The following FMN1 variants were observed in gnomAD, a reference collection of about 807,000 sequenced individuals.
FMN1 encodes formin 1, also known as formin-1.
In FMN1, 110 loss-of-function variants were observed where a neutral mutation model predicts 132.4. The ratio of observed to expected loss-of-function variants is 0.83; its 90% CI spans 0.71 to 0.97. The LOEUF (loss-of-function observed/expected upper bound fraction) is 0.97, where lower values mean the gene tolerates loss of function less well. FMN1 is among the 50% of genes least tolerant of loss of function. FMN1 has a pLI of 0.00. For missense variants in FMN1, 1,792 were observed against 1,705.3 expected (o/e 1.05, Z -0.90); for synonymous variants, 722 against 651.7 (o/e 1.11, Z -1.64).
chr15:32,824,584 G>A lies in FMN1; in HGVS notation c.3929-20252C>T, dbSNP rs200648716. On this transcript the variant is annotated intron_variant, in intron 17 of 20. Coordinates refer to ENST00000616417, the MANE Select transcript of FMN1 (RefSeq NM_001277313.2). ...TAAATATATTCAGGCTCCAAGGCCC[G>A]CTCTCTAGACTCTTTTCTATCTTTT... Among the ~76,000 whole-genome samples the A allele has an allele frequency of 3.3e-5, 5 of 152,074 alleles. No individual in the cohort carries two copies. The East Asian group carries it at 9.7e-4, about 29-fold the overall frequency.
At chr15:32,834,935 A>G (rs75193093) in intron 17 of FMN1, among the ~76,000 whole-genome samples, 3,031 of 152,298 alleles carry the variant, frequency 0.02, 35 homozygotes, top group African/African-American at 0.028. Flanking sequence ...TTATGACACC[A>G]AAGCTTTTAA....
chr15:32,873,661 C>T (rs1429658632), intron 16 of FMN1, among the ~76,000 whole-genome samples: 1 of 152,120 alleles, frequency 6.6e-6, no homozygotes, highest in Non-Finnish European at 1.5e-5. Flanking sequence ...GAGTTCTGGG[C>T]AGGGCTGATG....
intron 4 of FMN1, among the ~76,000 whole-genome samples, chr15:33,112,881 C>T (rs372873118): frequency 6.6e-6 from 1 of 152,244 alleles, no homozygotes; most frequent in South Asian, 2.1e-4. Context: ...GGGTTTATAT[C>T]GTCAGAAAGG....
intron 17 of FMN1, among the ~76,000 whole-genome samples, chr15:32,806,186 C>T (rs549643203): frequency 1.1e-4 from 16 of 152,102 alleles, no homozygotes; most frequent in African/African-American, 2.7e-4. Context: ...GTAAAATGAA[C>T]GAAAATAAGT....
At chr15:33,152,933 T>C (rs1341076995) in intron 4 of FMN1, 115 bp downstream of exon 4, 9 of 1,043,574 alleles carry the variant, frequency 8.6e-6, no homozygotes, top group Admixed American at 2.9e-5. Context: ...AGTGAAGTAA[T>C]AGGCCTAGGA....
chr15:33,151,340 A>T, intron 4 of FMN1: 1 of 1,536,674 alleles, frequency 6.5e-7, no homozygotes. Context: ...AGTTCTTATG[A>T]CTGGTTCCTG....
chr15:32,949,896 T>C (rs1260601604), intron 9 of FMN1, among the ~76,000 whole-genome samples: 1 of 135,542 alleles, frequency 7.4e-6, no homozygotes, highest in East Asian at 2.2e-4. Flanking sequence ...GCAAAGGACA[T>C]GAACAGACAC....
At chr15:32,972,163 C>T (rs1173583467) in intron 7 of FMN1, among the ~76,000 whole-genome samples, 1 of 152,072 alleles carries the variant, frequency 6.6e-6, no homozygotes, top group Non-Finnish European at 1.5e-5. Context: ...TTCAGTTTGC[C>T]GTCATTATTA....
At chr15:32,923,618 C>T (rs2060886369) in intron 10 of FMN1, among the ~76,000 whole-genome samples, 2 of 152,134 alleles carry the variant, frequency 1.3e-5, no homozygotes, top group Non-Finnish European at 2.9e-5. Context: ...AATGAAAGTT[C>T]ACGTACGCTT....
chr15:32,879,083 A>C (rs2059702291), intron 16 of FMN1, among the ~76,000 whole-genome samples: 1 of 152,142 alleles, frequency 6.6e-6, no homozygotes, highest in Non-Finnish European at 1.5e-5. Flanking sequence ...GAAATGTGTG[A>C]CCTTTAGTCA....
chr15:33,039,362 T>C (rs1186907829), intron 6 of FMN1, among the ~76,000 whole-genome samples: 1 of 152,202 alleles, frequency 6.6e-6, no homozygotes, highest in Admixed American at 6.5e-5. Context: ...GTGTGGCTCA[T>C]CACAGAGACC....
chr15:32,948,408 G>C (rs1005455588), intron 9 of FMN1, among the ~76,000 whole-genome samples: 1 of 151,828 alleles, frequency 6.6e-6, no homozygotes. Context: ...GTCTGGTTGT[G>C]CTATCAAGAT....
At chr15:33,035,949 A>G (rs980430405) in intron 6 of FMN1, among the ~76,000 whole-genome samples, 1 of 152,138 alleles carries the variant, frequency 6.6e-6, no homozygotes, top group Non-Finnish European at 1.5e-5. Flanking sequence ...TGGCTTTATA[A>G]GAAGAGGAAG....
At position 32,831,722 on chromosome 15, in the gene FMN1, A is replaced by C. The variant is rs117163947; in HGVS notation, c.3928+25293T>G. 8.9e-3 allele frequency among the ~76,000 whole-genome samples: 1,357 copies of C among 151,890 alleles called. 14 individuals are homozygous for C. The highest frequency in any genetic ancestry group is 0.024 in the Middle Eastern group (7 of 290). On this transcript the variant is annotated intron_variant, in intron 17 of 20. Coordinates refer to ENST00000616417, the MANE Select transcript of FMN1 (RefSeq NM_001277313.2). ...ACTGACACAAATAATCCACTCATGC[A>C]AATAATCTCAAAGAATGCAGCCTTT...
rs138074039 is a variant in FMN1 at position 32,825,292 on chromosome 15, T to A, written c.3929-20960A>T. Among the ~76,000 whole-genome samples the A allele has an allele frequency of 9.5e-3, 1,444 of 152,362 alleles. 11 individuals carry two copies. The highest frequency in any genetic ancestry group is 0.017 in the Non-Finnish European group (1,129 of 68,034). ...TTACAAATTCTTTTAAGGCTTCCTG[T>A]AGAATAAAATCCAAATTCCGTCTCA... On this transcript the variant is annotated intron_variant, in intron 17 of 20. Transcript: ENST00000616417.
At chr15:33,091,929 C>T (rs16964833) in intron 4 of FMN1, among the ~76,000 whole-genome samples, 2,843 of 152,218 alleles carry the variant, frequency 0.019, 85 homozygotes, top group African/African-American at 0.065. Context: ...TTGTGAAAAA[C>T]TGAATCAGTC....
intron 5 of FMN1, among the ~76,000 whole-genome samples, chr15:33,070,003 T>C (rs1184299582): frequency 3.1e-4 from 41 of 132,604 alleles, no homozygotes; most frequent in East Asian, 8.5e-4. Context: ...CTTTTTTTTT[T>C]TTTTTTTTTT....
intron 17 of FMN1, among the ~76,000 whole-genome samples, chr15:32,806,415 T>G (rs982613621): frequency 6.6e-6 from 1 of 152,244 alleles, no homozygotes; most frequent in African/African-American, 2.4e-5. Flanking sequence ...AGATAATACA[T>G]GCAGAGTGCT....
At chr15:33,053,913 T>C (rs534927685) in intron 6 of FMN1, among the ~76,000 whole-genome samples, 210 of 152,316 alleles carry the variant, frequency 1.4e-3, no homozygotes, top group Non-Finnish European at 2.7e-3. Flanking sequence ...TTTCTTTTCT[T>C]TCTTTCGGAG....
Sources: allele counts gnomAD v4.1 joint callset (sites outside exome capture counted in the v4.1 genomes callset), GRCh38; gene constraint gnomAD v4.1.1; transcripts MANE v1.5; gene names NCBI Gene and HGNC (gene_info 2026-07-23, HGNC 2026-07-21).